Variants in SLC24A2 observed in about 807,000 individuals in gnomAD.
SLC24A2 encodes solute carrier family 24 member 2.
A neutral mutation model predicts 62.0 loss-of-function variants in SLC24A2; 36 were observed. The ratio of observed to expected loss-of-function variants is 0.58; its 90% confidence interval spans 0.44 to 0.77. The LOEUF is 0.77. Ranked by LOEUF, SLC24A2 falls within the 30% of genes least tolerant of loss-of-function variation. SLC24A2 has a pLI of 0.00. For missense variants in SLC24A2, 846 were observed against 817.9 expected (o/e 1.03, Z -0.42); for synonymous variants, 358 against 294.0 (o/e 1.22, Z -2.23).
At position 19,547,143 on chromosome 9, in the gene SLC24A2, G is replaced by A. The variant is rs564973155; in HGVS notation, c.1479+2994C>T. 1.9e-4 allele frequency among the ~76,000 whole-genome samples: 29 copies of A among 152,202 alleles called. No individual in the cohort carries two copies. The East Asian group carries it at 4.6e-3, about 24-fold the overall frequency. On this transcript the variant is annotated intron_variant, in intron 8 of 10. Transcript: ENST00000341998. ...AGGCCCAGTGTTTGGCACATAATAGGTGCTCAATAAATATTTGTGAAGGAA... is the reference window on the plus strand; with the variant it reads ...AGGCCCAGTGTTTGGCACATAATAGATGCTCAATAAATATTTGTGAAGGAA...
chr9:20,031,135 C>T, the SLC24A2 span, among the ~76,000 whole-genome samples: 2 of 151,416 alleles, frequency 1.3e-5, no homozygotes, highest in Admixed American at 1.3e-4. Flanking sequence ...CACATACACA[C>T]ATATATATGT....
At chr9:20,033,067 G>A in the SLC24A2 span, among the ~76,000 whole-genome samples, 2 of 152,118 alleles carry the variant, frequency 1.3e-5, no homozygotes, top group African/African-American at 4.8e-5. Flanking sequence ...GTTCATTCAC[G>A]AACTCACAGA....
the SLC24A2 span, among the ~76,000 whole-genome samples, chr9:19,995,262 T>A: frequency 6.6e-6 from 1 of 152,178 alleles, no homozygotes; most frequent in East Asian, 1.9e-4. Context: ...AAAATATTAA[T>A]CAATTCAACA....
chr9:20,286,459 A>C, the SLC24A2 span, among the ~76,000 whole-genome samples: 8 of 152,230 alleles, frequency 5.3e-5, no homozygotes, highest in East Asian at 1.3e-3. Context: ...TCAGGTAGGA[A>C]GAATAGTAAG....
chr9:19,770,490 C>G (rs1281762284), intron 2 of SLC24A2, among the ~76,000 whole-genome samples: 1 of 152,098 alleles, frequency 6.6e-6, no homozygotes, highest in African/African-American at 2.4e-5. Flanking sequence ...TTTTAATCTA[C>G]TTGTCACAGT....
chr9:20,231,222 T>G, the SLC24A2 span, among the ~76,000 whole-genome samples: 1 of 152,184 alleles, frequency 6.6e-6, no homozygotes, highest in African/African-American at 2.4e-5. Flanking sequence ...TGCGGGCTCT[T>G]TTTTGGTCCC....
chr9:19,815,255 A>T, the SLC24A2 span, among the ~76,000 whole-genome samples: 1 of 152,134 alleles, frequency 6.6e-6, no homozygotes, highest in Non-Finnish European at 1.5e-5. Flanking sequence ...GGTCTTTGGG[A>T]TTCTCCTGCA....
At chr9:20,208,058 C>T in the SLC24A2 span, among the ~76,000 whole-genome samples, 1 of 151,940 alleles carries the variant, frequency 6.6e-6, no homozygotes, top group South Asian at 2.1e-4. Context: ...AAATATCACA[C>T]AAGTAAGTAT....
At chr9:20,108,229 A>T in the SLC24A2 span, among the ~76,000 whole-genome samples, 1 of 152,100 alleles carries the variant, frequency 6.6e-6, no homozygotes, top group Non-Finnish European at 1.5e-5. Context: ...GAGAAATAGG[A>T]ACACTTTTAC....
chr9:20,108,437 T>A, the SLC24A2 span, among the ~76,000 whole-genome samples: 1 of 152,062 alleles, frequency 6.6e-6, no homozygotes, highest in African/African-American at 2.4e-5. Flanking sequence ...AGCAAAGACT[T>A]GGAACCAACC....
the SLC24A2 span, among the ~76,000 whole-genome samples, chr9:20,220,149 A>C: frequency 6.6e-6 from 1 of 152,106 alleles, no homozygotes; most frequent in Non-Finnish European, 1.5e-5. Flanking sequence ...ATGGCTTCCA[A>C]GTATTTCTCA....
At chr9:19,553,392 A>G (rs939940713) in intron 7 of SLC24A2, among the ~76,000 whole-genome samples, 14 of 152,190 alleles carry the variant, frequency 9.2e-5, no homozygotes, top group Non-Finnish European at 1.5e-4. Flanking sequence ...TCCATAGAAA[A>G]CAAAACAAAG....
At chr9:19,935,464 A>G in the SLC24A2 span, among the ~76,000 whole-genome samples, 1 of 152,194 alleles carries the variant, frequency 6.6e-6, no homozygotes, top group Non-Finnish European at 1.5e-5. Context: ...GGTAGATAAT[A>G]TAAACTAATG....
chr9:20,038,308 T>A, the SLC24A2 span, among the ~76,000 whole-genome samples: 1 of 152,196 alleles, frequency 6.6e-6, no homozygotes, highest in Non-Finnish European at 1.5e-5. Flanking sequence ...GAGAGATGAA[T>A]GAGCTAACTA....
At chr9:20,082,554 T>C in the SLC24A2 span, among the ~76,000 whole-genome samples, 4 of 152,210 alleles carry the variant, frequency 2.6e-5, no homozygotes, top group African/African-American at 9.6e-5. Context: ...TCTGAGGTGG[T>C]TTTCTCTCTG....
At chr9:20,057,994 TAAAC>T in the SLC24A2 span, among the ~76,000 whole-genome samples, 10 of 152,090 alleles carry the variant, frequency 6.6e-5, no homozygotes, top group Non-Finnish European at 1.3e-4. Context: ...CTTTCTTTGG[TAAAC>T]AAACAAACAA....
At chr9:19,572,259 CAAAAAAAA>C (rs34529143) in intron 7 of SLC24A2, among the ~76,000 whole-genome samples, 3 of 69,784 alleles carry the variant, frequency 4.3e-5, no homozygotes, top group African/African-American at 1.8e-4. Context: ...GAGTCCGTCT[CAAAAAAAA>C]AAAAAAAAAA....
the SLC24A2 span, among the ~76,000 whole-genome samples, chr9:20,251,485 C>A: frequency 6.6e-6 from 1 of 152,186 alleles, no homozygotes; most frequent in Admixed American, 6.5e-5. Context: ...GCATTTTCTT[C>A]ATTAAACTTT....
At chr9:19,790,235 A>G (rs1019458193), upstream of SLC24A2, among the ~76,000 whole-genome samples, 1 of 152,120 alleles carries the variant, frequency 6.6e-6, no homozygotes. Flanking sequence ...GAATTTTTTT[A>G]TCTTTAACTT....
Sources: gnomAD v4.1 joint callset for allele counts (sites outside exome capture counted in the v4.1 genomes callset) on GRCh38, gnomAD v4.1.1 for gene constraint, MANE v1.5 for transcripts, NCBI Gene and HGNC (gene_info 2026-07-23, HGNC 2026-07-21) for gene names.